ME3: variants seen among roughly 807,000 people sequenced by gnomAD.
ME3 encodes the protein malic enzyme 3.
In ME3, 48 loss-of-function variants were observed where a neutral mutation model predicts 68.9. The observed-to-expected ratio is 0.70, with a 90% CI of 0.55 to 0.89. The LOEUF is 0.89. Ranked by LOEUF, ME3 falls within the 40% of genes least tolerant of loss-of-function variation. ME3 has a pLI of 0.00. For synonymous variants in ME3, 320 were observed against 318.8 expected, an observed-to-expected ratio of 1.00 and a Z score of -0.04; for missense variants, 675 against 797.4, an observed-to-expected ratio of 0.85 and a Z score of 1.85.
chr11:86,565,979 G>A (rs1347116814), intron 2 of ME3, among the ~76,000 whole-genome samples: 1 of 152,232 alleles, frequency 6.6e-6, no homozygotes, highest in African/African-American at 2.4e-5. Context: ...ATCCCAAGAT[G>A]AGAAGGTGCA....
rs541307313 is a variant in ME3 at position 86,512,678 on chromosome 11, G to A, written c.468-3811C>T. 9.2e-5 allele frequency among the ~76,000 whole-genome samples: 14 copies of A among 152,254 alleles called. No individual in the cohort carries two copies. The East Asian group carries it at 1.7e-3, about 19-fold the overall frequency. ...AGCAGGAAAATAAGCATGTGGAGAT[G>A]GTAGATGAACCAGGAAAGAGGAAAA... is the stretch of plus-strand genomic sequence containing the variant. On this transcript the variant is annotated intron_variant, in intron 4 of 14. Coordinates refer to ENST00000543262, the Ensembl canonical transcript of ME3.
chr11:86,549,203 C>G (rs1956536934), intron 4 of ME3, among the ~76,000 whole-genome samples: 1 of 152,222 alleles, frequency 6.6e-6, no homozygotes, highest in Admixed American at 6.5e-5. Context: ...GGCAGAAGTT[C>G]ACTTAAGTTA....
At chr11:86,532,111 CTG>C (rs1394708120) in intron 4 of ME3, among the ~76,000 whole-genome samples, 2 of 151,800 alleles carry the variant, frequency 1.3e-5, no homozygotes, top group African/African-American at 4.8e-5. Flanking sequence ...AAATCAAAAA[CTG>C]TAAAAAAGAG....
chr11:86,542,093 A>T (rs60517578), intron 4 of ME3, among the ~76,000 whole-genome samples: 1 of 152,242 alleles, frequency 6.6e-6, no homozygotes, highest in East Asian at 1.9e-4. Flanking sequence ...TAACAAACAG[A>T]AAGGAATAGC....
chr11:86,653,336 T>C (rs1194378688), intron 2 of ME3, among the ~76,000 whole-genome samples: 1 of 152,184 alleles, frequency 6.6e-6, no homozygotes, highest in Non-Finnish European at 1.5e-5. Flanking sequence ...ATTGACCACA[T>C]AGTTGGAAGT....
At chr11:86,472,168 G>A (rs1306929304) in intron 7 of ME3, among the ~76,000 whole-genome samples, 1 of 152,152 alleles carries the variant, frequency 6.6e-6, no homozygotes, top group African/African-American at 2.4e-5. Context: ...AGTGAGTATG[G>A]TGCCTTCCTG....
At chr11:86,526,971 A>G (rs1215830357) in intron 4 of ME3, among the ~76,000 whole-genome samples, 1 of 152,202 alleles carries the variant, frequency 6.6e-6, no homozygotes, top group Non-Finnish European at 1.5e-5. Context: ...TCCTCCTCCA[A>G]AGGAACGCAG....
Position 86,539,850 on chromosome 11 carries a change from G to T in ME3, c.467+16703C>A, listed in dbSNP as rs373441032. Among the ~76,000 whole-genome samples, 5 of 152,190 alleles carry T rather than the reference G, an allele frequency of 3.3e-5. No homozygotes were observed. The East Asian group carries it at 7.7e-4, about 23-fold the overall frequency. ...TCACTGGACCACATTGGAAATAGAA[G>T]AATTGTCTTGGGCCCCATATAAAAT... is the stretch of plus-strand genomic sequence containing the variant. On this transcript the variant is annotated intron_variant, in intron 4 of 14. Transcript: ENST00000543262.
At chr11:86,465,238 T>A in intron 7 of ME3, 38 bp from the exon 8 acceptor site, 18 of 1,453,912 alleles carry the variant, frequency 1.2e-5, no homozygotes, top group Non-Finnish European at 1.7e-5. Flanking sequence ...TGATTGCCTC[T>A]CTGAGGCAGA....
At chr11:86,588,179 G>A (rs1184414326) in intron 2 of ME3, among the ~76,000 whole-genome samples, 1 of 152,188 alleles carries the variant, frequency 6.6e-6, no homozygotes, top group Non-Finnish European at 1.5e-5. Flanking sequence ...AGACCAGAGG[G>A]AGAGAGAGAC....
At chr11:86,572,889 C>T (rs1030685733) in intron 2 of ME3, among the ~76,000 whole-genome samples, 3 of 152,306 alleles carry the variant, frequency 2.0e-5, no homozygotes, top group Middle Eastern at 3.4e-3. Context: ...AATTTGCAAT[C>T]CCACCAACAG....
At chr11:86,557,671 A>G (rs1350460525) in intron 3 of ME3, among the ~76,000 whole-genome samples, 1 of 152,120 alleles carries the variant, frequency 6.6e-6, no homozygotes, top group Non-Finnish European at 1.5e-5. Context: ...GGAAAACTAA[A>G]AACTGTGCTC....
downstream of ME3, among the ~76,000 whole-genome samples, chr11:86,438,842 C>T (rs927459158): frequency 1.3e-5 from 2 of 152,202 alleles, no homozygotes; most frequent in African/African-American, 2.4e-5. Context: ...CCAATAAGAT[C>T]TTTCTCTCTC....
intron 2 of ME3, among the ~76,000 whole-genome samples, chr11:86,607,293 C>T (rs527369942): frequency 2.2e-3 from 333 of 152,170 alleles, no homozygotes; most frequent in Non-Finnish European, 3.6e-3. Flanking sequence ...GACATACTGG[C>T]GGGGCTGAAC....
rs185432365 is a variant in ME3 at position 86,575,957 on chromosome 11, C to T, written c.184-16134G>A. On this transcript the variant is annotated intron_variant, in intron 2 of 14. Transcript: ENST00000543262. The stretch of plus-strand genomic sequence containing the variant: ...ATAAGAGCTGGGCTTTGGAATCAGG[C>T]AGTTCTGGGTCTGAAAGTCTGCAAC... Among the ~76,000 whole-genome samples, 470 of 152,250 alleles carry T rather than the reference C, an allele frequency of 3.1e-3. 1 individual carries two copies. Among genetic ancestry groups the T allele is most frequent in the South Asian group, 6.0e-3 (29 of 4,818 alleles).
intron 7 of ME3, among the ~76,000 whole-genome samples, chr11:86,475,902 A>AGAGAGAGAGAGAG (rs1565830505): frequency 6.4e-5 from 6 of 93,368 alleles, no homozygotes; most frequent in Non-Finnish European, 1.1e-4. Flanking sequence ...GAGAGAGAGA[A>AGAGAGAGAGAGAG]AGAGAAAGAG....
chr11:86,656,818 C>A (rs545160124), intron 2 of ME3, among the ~76,000 whole-genome samples: 1 of 151,456 alleles, frequency 6.6e-6, no homozygotes, highest in African/African-American at 2.4e-5. Flanking sequence ...TGAACAGACA[C>A]TTCTCTAAAG....
chr11:86,651,703 G>T (rs1362848727), intron 2 of ME3, among the ~76,000 whole-genome samples: 1 of 152,202 alleles, frequency 6.6e-6, no homozygotes, highest in Admixed American at 6.5e-5. Flanking sequence ...CCCCTTCAAA[G>T]GAACACAGCT....
chr11:86,561,881 C>A (rs548307587), intron 2 of ME3, among the ~76,000 whole-genome samples: 1 of 152,292 alleles, frequency 6.6e-6, no homozygotes, highest in South Asian at 2.1e-4. Flanking sequence ...ATTCTCTTGT[C>A]ATAGTCTGCA....
Sources: allele counts gnomAD v4.1 joint callset (sites outside exome capture counted in the v4.1 genomes callset), GRCh38; gene constraint gnomAD v4.1.1; transcripts MANE v1.5; gene names NCBI Gene and HGNC (gene_info 2026-07-23, HGNC 2026-07-21).